Variants in HPSE2 observed in about 807,000 individuals in gnomAD.
The protein encoded by HPSE2 is heparanase 2 (inactive), also known as inactive heparanase-2.
A neutral mutation model predicts 60.5 loss-of-function variants in HPSE2; 38 were observed. That is an observed-to-expected ratio of 0.63 (90% CI 0.48 to 0.82). The LOEUF is 0.82. Among genes scored for constraint, HPSE2 ranks in the 40% least tolerant of loss-of-function variants. The pLI is 0.00. For missense variants in HPSE2, 713 were observed against 740.4 expected, an observed-to-expected ratio of 0.96 and a Z score of 0.43; for synonymous variants, 295 against 293.2, an observed-to-expected ratio of 1.01 and a Z score of -0.06.
intron 2 of HPSE2, among the ~76,000 whole-genome samples, chr10:99,210,651 T>C (rs997419937): frequency 2.0e-5 from 3 of 152,128 alleles, no homozygotes; most frequent in African/African-American, 7.2e-5. Context: ...ACCATATTAA[T>C]AGAATGAAGG....
At chr10:98,767,899 A>T (rs1950159694) in intron 3 of HPSE2, among the ~76,000 whole-genome samples, 1 of 147,938 alleles carries the variant, frequency 6.8e-6, no homozygotes, top group Non-Finnish European at 1.5e-5. Context: ...ATATATATTA[A>T]ATAAGCATAT....
intron 9 of HPSE2, among the ~76,000 whole-genome samples, chr10:98,559,370 G>T (rs957276134): frequency 6.6e-6 from 1 of 152,076 alleles, no homozygotes; most frequent in Non-Finnish European, 1.5e-5. Flanking sequence ...CCCCAGGATA[G>T]AGCTCACTTT....
At chr10:99,240,716 A>G (rs2133963089), upstream of HPSE2, among the ~76,000 whole-genome samples, 1 of 152,162 alleles carries the variant, frequency 6.6e-6, no homozygotes, top group Middle Eastern at 3.4e-3. Flanking sequence ...CCAGCCTACA[A>G]TGATTTCTTT....
chr10:98,501,315 G>A (rs981870397), intron 9 of HPSE2, among the ~76,000 whole-genome samples: 5 of 151,972 alleles, frequency 3.3e-5, no homozygotes, highest in Non-Finnish European at 5.9e-5. Context: ...TAGCTAACTG[G>A]ATCAATCCAA....
In HPSE2 at chr10:99,186,940, G is replaced by C. The variant is rs561286706; in HGVS notation, c.449-42541C>G. ...TGGAACTATAAGCACACACTCCCAT[G>C]CCCAGCTAGTTTTTTGTATTTTTTG... On this transcript the variant is annotated intron_variant, in intron 2 of 11. Transcript: ENST00000370552. Among the ~76,000 whole-genome samples, 6 of 151,848 alleles carry C rather than the reference G, an allele frequency of 4.0e-5. No homozygotes were observed. In the East Asian group the frequency reaches 9.7e-4, roughly 25 times the overall value.
At chr10:99,267,035 T>C in the HPSE2 span, among the ~76,000 whole-genome samples, 1 of 152,008 alleles carries the variant, frequency 6.6e-6, no homozygotes, top group African/African-American at 2.4e-5. Flanking sequence ...TCTGACATGG[T>C]CTACTCAAAT....
chr10:99,132,205 G>GAAAAGAAAA (rs1845446675), intron 3 of HPSE2, among the ~76,000 whole-genome samples: 1 of 19,346 alleles, frequency 5.2e-5, no homozygotes, highest in African/African-American at 8.4e-5. Flanking sequence ...GAGAGAGAGA[G>GAAAAGAAAA]AGAGAGAGAG....
At chr10:98,625,475 A>G (rs1387315957) in intron 7 of HPSE2, among the ~76,000 whole-genome samples, 3 of 152,184 alleles carry the variant, frequency 2.0e-5, no homozygotes, top group Non-Finnish European at 2.9e-5. Context: ...GGTGATTTGG[A>G]TACCAGAAGG....
chr10:99,054,246 A>G (rs1958058480), intron 3 of HPSE2, among the ~76,000 whole-genome samples: 1 of 152,220 alleles, frequency 6.6e-6, no homozygotes, highest in Non-Finnish European at 1.5e-5. Flanking sequence ...TTTATCAGAT[A>G]GCAGATATTA....
chr10:99,016,213 G>T lies in HPSE2; in HGVS notation c.610+128025C>A, dbSNP rs72838803. 5.5e-3 allele frequency among the ~76,000 whole-genome samples: 831 copies of T among 152,180 alleles called. 8 individuals carry two copies. Among genetic ancestry groups the T allele is most frequent in the Non-Finnish European group, 9.2e-3 (623 of 68,000 alleles). On this transcript the variant is annotated intron_variant, in intron 3 of 11. Coordinates refer to ENST00000370552, the MANE Select transcript of HPSE2 (RefSeq NM_021828.5). ...TTAATCCATCTTAATTTTTATATAT[G>T]GTATAAGGAAAGGTTCCAGTTTTAA...
chr10:99,274,553 A>T, the HPSE2 span, among the ~76,000 whole-genome samples: 19 of 152,234 alleles, frequency 1.2e-4, no homozygotes, highest in African/African-American at 4.3e-4. Flanking sequence ...TTTATACTTA[A>T]ATATGTCAAG....
In HPSE2 at chr10:98,564,520, G is replaced by A. The variant is rs1018156854; in HGVS notation, c.1320+50384C>T. Among the ~76,000 whole-genome samples, 5 of 152,112 alleles carry A rather than the reference G, an allele frequency of 3.3e-5. No individual in the cohort carries two copies. In the East Asian group the frequency reaches 9.6e-4, roughly 29 times the overall value. ...AAGTTCCAAACTTACAGTATTTCTT[G>A]TATACAATCTGAAGCAGAATTTTGT... On this transcript the variant is annotated intron_variant, in intron 9 of 11. Coordinates refer to ENST00000370552, the MANE Select transcript of HPSE2 (RefSeq NM_021828.5).
chr10:98,527,301 T>TACA (rs1213639269), intron 9 of HPSE2, among the ~76,000 whole-genome samples: 2 of 152,220 alleles, frequency 1.3e-5, no homozygotes, highest in Non-Finnish European at 2.9e-5. Flanking sequence ...AAAGTTTCTT[T>TACA]ATTGGCTGCC....
At chr10:98,713,649 A>C (rs1346764731) in intron 5 of HPSE2, among the ~76,000 whole-genome samples, 7 of 152,026 alleles carry the variant, frequency 4.6e-5, no homozygotes, top group Non-Finnish European at 7.4e-5. Context: ...TATTAAAAGC[A>C]CAGGTAAGTG....
chr10:98,531,665 A>G (rs933594621), intron 9 of HPSE2, among the ~76,000 whole-genome samples: 1 of 152,170 alleles, frequency 6.6e-6, no homozygotes, highest in Non-Finnish European at 1.5e-5. Flanking sequence ...TCTTTCCCAC[A>G]TGTCAGCCTT....
intron 3 of HPSE2, among the ~76,000 whole-genome samples, chr10:99,031,684 C>G (rs767099129): frequency 3.3e-5 from 5 of 152,100 alleles, no homozygotes; most frequent in African/African-American, 1.2e-4. Context: ...GGAAAAGATA[C>G]AACTAGTTAT....
intron 3 of HPSE2, among the ~76,000 whole-genome samples, chr10:98,848,168 A>C (rs897640517): frequency 6.6e-6 from 1 of 152,232 alleles, no homozygotes; most frequent in Admixed American, 6.5e-5. Flanking sequence ...CTGTAATCCC[A>C]GTACTTTGGG....
At chr10:99,014,948 C>G (rs1046691099) in intron 3 of HPSE2, among the ~76,000 whole-genome samples, 11 of 152,262 alleles carry the variant, frequency 7.2e-5, no homozygotes, top group African/African-American at 2.6e-4. Flanking sequence ...TATCCAGAAT[C>G]TACAATGAAC....
At chr10:98,557,645 G>T (rs1258785662) in intron 9 of HPSE2, among the ~76,000 whole-genome samples, 8 of 152,186 alleles carry the variant, frequency 5.3e-5, no homozygotes, top group African/African-American at 1.9e-4. Flanking sequence ...TTAAGAATGT[G>T]TGTTTATCAA....
Sources: gnomAD v4.1 joint callset for allele counts (sites outside exome capture counted in the v4.1 genomes callset) on GRCh38, gnomAD v4.1.1 for gene constraint, MANE v1.5 for transcripts, NCBI Gene and HGNC (gene_info 2026-07-23, HGNC 2026-07-21) for gene names.